The following PAPPA2 variants were observed in gnomAD, a reference collection of about 807,000 sequenced individuals.
PAPPA2 encodes the protein pappalysin 2.
In PAPPA2, 86 loss-of-function variants were observed where a neutral mutation model predicts 176.4. That is an observed-to-expected ratio of 0.49 (90% CI 0.41 to 0.58). PAPPA2 has a LOEUF of 0.58. PAPPA2 is among the 20% of genes least tolerant of loss of function. PAPPA2 has a pLI of 0.00. For synonymous variants in PAPPA2, 809 were observed against 852.2 expected (o/e 0.95, Z 0.88); for missense variants, 2,073 against 2,256.9 (o/e 0.92, Z 1.65).
At chr1:176,703,755 A>G (rs1660760978) in intron 9 of PAPPA2, among the ~76,000 whole-genome samples, 1 of 152,206 alleles carries the variant, frequency 6.6e-6, no homozygotes, top group South Asian at 2.1e-4. Context: ...TATAAACACT[A>G]AAATGTTCCC....
At chr1:176,692,985 C>T (rs1481172694) in intron 6 of PAPPA2, among the ~76,000 whole-genome samples, 1 of 152,208 alleles carries the variant, frequency 6.6e-6, no homozygotes, top group Non-Finnish European at 1.5e-5. Flanking sequence ...AAAAGCATTA[C>T]ACCTAAAACT....
At chr1:176,822,279 A>G (rs893918624) in intron 21 of PAPPA2, among the ~76,000 whole-genome samples, 11 of 152,174 alleles carry the variant, frequency 7.2e-5, no homozygotes, top group African/African-American at 2.6e-4. Context: ...TCTGATCTCT[A>G]AGGAGTCTTC....
intron 12 of PAPPA2, among the ~76,000 whole-genome samples, chr1:176,716,355 C>G (rs1661372528): frequency 6.6e-6 from 1 of 151,180 alleles, no homozygotes; most frequent in African/African-American, 2.4e-5. Flanking sequence ...AAGCGATTCT[C>G]CTGCCTCAGC....
At chr1:176,554,503 A>C (rs1651153457) in intron 1 of PAPPA2, among the ~76,000 whole-genome samples, 1 of 152,176 alleles carries the variant, frequency 6.6e-6, no homozygotes, top group Non-Finnish European at 1.5e-5. Flanking sequence ...CCTTTGAGAA[A>C]GCCTTTATCT....
chr1:176,623,663 CTTTCTTT>C (rs1205278387), intron 3 of PAPPA2, among the ~76,000 whole-genome samples: 2 of 116,666 alleles, frequency 1.7e-5, no homozygotes, highest in Non-Finnish European at 3.8e-5. Context: ...TTCTTTCTTT[CTTTCTTT>C]TTCTTTCTTT....
chr1:176,783,686 A>G (rs1421173843), intron 17 of PAPPA2, among the ~76,000 whole-genome samples: 2 of 152,232 alleles, frequency 1.3e-5, no homozygotes, highest in Non-Finnish European at 2.9e-5. Context: ...GAAATCACAG[A>G]GCAAGAACGC....
At chr1:176,587,541 T>A (rs1653390253) in intron 2 of PAPPA2, among the ~76,000 whole-genome samples, 1 of 152,228 alleles carries the variant, frequency 6.6e-6, no homozygotes, top group African/African-American at 2.4e-5. Flanking sequence ...ATTTACTGAA[T>A]AGAAGATCCT....
intron 12 of PAPPA2, among the ~76,000 whole-genome samples, chr1:176,721,007 A>G (rs1327204460): frequency 6.6e-5 from 10 of 152,222 alleles, no homozygotes; most frequent in Admixed American, 6.5e-4. Flanking sequence ...CCAGCTGATT[A>G]GATGGCACTC....
At chr1:176,746,444 T>C (rs1240110323) in intron 14 of PAPPA2, among the ~76,000 whole-genome samples, 3 of 152,200 alleles carry the variant, frequency 2.0e-5, no homozygotes, top group African/African-American at 7.2e-5. Context: ...TGTCGCTCTG[T>C]TGCCCAGGCT....
At chr1:176,691,802 A>T (rs543081825) in intron 5 of PAPPA2, among the ~76,000 whole-genome samples, 1 of 152,222 alleles carries the variant, frequency 6.6e-6, no homozygotes, top group Non-Finnish European at 1.5e-5. Context: ...CACAAGTGAA[A>T]AGGCCATCTG....
Position 176,633,667 on chromosome 1 carries a change from G to A in PAPPA2, c.1992-37303G>A, listed in dbSNP as rs963227471. 2.0e-5 allele frequency among the ~76,000 whole-genome samples: 3 copies of A among 152,048 alleles called. No individual in the cohort carries two copies. In the East Asian group the frequency reaches 5.8e-4, roughly 29 times the overall value. ...CATCAGAGTGAACAGGCAACCTACA[G>A]AATGGGAGAAAATTTTTGCAATCTA... On this transcript the variant is annotated intron_variant, in intron 3 of 22. Transcript: ENST00000367662.
In PAPPA2 at chr1:176,842,421, C is replaced by G; in HGVS notation, c.5343C>G (p.Thr1781=). ...CTGACTGTGACCTGGATGAGTGCAC[C>G]TGCCGGGACCCCAAGGCAGAAGAAA... ...FAADCDLDEC[T]CRDPKAEENQ The change falls in exon 23 of 23, where the codon ACC becomes ACG. Residue 1781 remains threonine (T), a synonymous_variant. Coordinates refer to ENST00000367662, the MANE Select transcript of PAPPA2 (RefSeq NM_020318.3). 6.2e-7 allele frequency: 1 copy of G among 1,613,342 alleles called. No individual in the cohort carries two copies. Among genetic ancestry groups the G allele is most frequent in the South Asian group, 1.1e-5 (1 of 91,070 alleles).
At chr1:176,796,704 CTT>C (rs1665455389) in intron 20 of PAPPA2, among the ~76,000 whole-genome samples, 1 of 134,890 alleles carries the variant, frequency 7.4e-6, no homozygotes, top group African/African-American at 2.7e-5. Flanking sequence ...TTCTCTCTTT[CTT>C]TCTTTTTCTT....
At chr1:176,828,497 T>C (rs1229117114) in intron 21 of PAPPA2, among the ~76,000 whole-genome samples, 2 of 150,940 alleles carry the variant, frequency 1.3e-5, no homozygotes, top group Non-Finnish European at 2.9e-5. Context: ...ATAGATTATA[T>C]ATTATTAATT....
chr1:176,782,952 G>A (rs1204833318), intron 17 of PAPPA2, among the ~76,000 whole-genome samples: 1 of 152,102 alleles, frequency 6.6e-6, no homozygotes, highest in Non-Finnish European at 1.5e-5. Flanking sequence ...AGGTAAAGCA[G>A]GACTTGTTGA....
At chr1:176,712,049 G>A in intron 12 of PAPPA2, 68 bp downstream of exon 12, 1 of 1,529,010 alleles carries the variant, frequency 6.5e-7, no homozygotes, top group Non-Finnish European at 8.9e-7. Context: ...GTGTGTGTGT[G>A]TGTGTGTGTA....
At chr1:176,628,973 C>G (rs995192624) in intron 3 of PAPPA2, among the ~76,000 whole-genome samples, 4 of 152,306 alleles carry the variant, frequency 2.6e-5, no homozygotes, top group Middle Eastern at 3.4e-3. Flanking sequence ...AAGGCCTTCA[C>G]CGGCAATGGA....
chr1:176,493,862 AAT>A (rs1448727675), intron 1 of PAPPA2, among the ~76,000 whole-genome samples: 3 of 152,184 alleles, frequency 2.0e-5, no homozygotes, highest in African/African-American at 4.8e-5. Flanking sequence ...CAAAGCAGGA[AAT>A]ATGACTTTGA....
At chr1:176,638,697 T>G (rs954136040) in intron 3 of PAPPA2, among the ~76,000 whole-genome samples, 1 of 151,986 alleles carries the variant, frequency 6.6e-6, no homozygotes, top group Non-Finnish European at 1.5e-5. Flanking sequence ...ATGTGCCAAG[T>G]GCTATATTGG....
Sources: gnomAD v4.1 joint callset for allele counts (sites outside exome capture counted in the v4.1 genomes callset) on GRCh38, gnomAD v4.1.1 for gene constraint, MANE v1.5 for transcripts, NCBI Gene and HGNC (gene_info 2026-07-23, HGNC 2026-07-21) for gene names.